The following A4GALT variants were observed in gnomAD, a reference collection of about 807,000 sequenced individuals.
The protein encoded by A4GALT is lactosylceramide 4-alpha-galactosyltransferase.
For missense variants in A4GALT, 512 were observed against 486.0 expected, an observed-to-expected ratio of 1.05 and a Z score of -0.50; for synonymous variants, 257 against 220.7, an observed-to-expected ratio of 1.16 and a Z score of -1.46.
intron 1 of A4GALT, among the ~76,000 whole-genome samples, chr22:42,699,451 C>T (rs4820476): frequency 0.9 from 136,860 of 152,218 alleles, 61,576 homozygotes; most frequent in East Asian, 1. Flanking sequence ...TTCTTGCCCC[C>T]TGGTGTGAGT....
chr22:42,701,985 C>T (rs1344996930), intron 1 of A4GALT, among the ~76,000 whole-genome samples: 1 of 152,204 alleles, frequency 6.6e-6, no homozygotes, highest in African/African-American at 2.4e-5. Context: ...TGATGACCTC[C>T]TCAATCGACC....
At chr22:42,720,180 C>A (rs1922580798) in intron 1 of A4GALT, among the ~76,000 whole-genome samples, 1 of 151,572 alleles carries the variant, frequency 6.6e-6, no homozygotes, top group African/African-American at 2.4e-5. Context: ...GGAGGCCGGG[C>A]GACTCCAACC....
At chr22:42,697,731 A>G (rs1931035751) in intron 1 of A4GALT, among the ~76,000 whole-genome samples, 1 of 151,988 alleles carries the variant, frequency 6.6e-6, no homozygotes. Flanking sequence ...GGCCCCCGAG[A>G]CGGGCCTCGC....
At position 42,693,750 on chromosome 22, in the gene A4GALT, T is replaced by TGGGGGGGGGGGGGGGGTGGGGGGGGGG; in HGVS notation, c.201_202insCCCCCCCCCCACCCCCCCCCCCCCCCC (p.Pro67_Thr68insProProProHisProProProProPro). ...GGAGTGGGGCCGTGGGAGGGTGGGG[T>TGGGGGGGGGGGGGGGGTGGGGGGGGGG]GGGGGGTGTCAAGGTGGGGCAGGGG... On this transcript the variant is annotated inframe_insertion, in exon 3 of 3. Transcript: ENST00000642412. The TGGGGGGGGGGGGGGGGTGGGGGGGGGG allele has an allele frequency of 7.7e-6, 3 of 391,434 alleles. No homozygotes were observed. Among genetic ancestry groups the TGGGGGGGGGGGGGGGGTGGGGGGGGGG allele is most frequent in the Non-Finnish European group, 1.3e-5 (3 of 232,092 alleles). The allele number at this position is 391,434 out of a possible 1,614,324, so 24.2% of individuals were successfully genotyped here.
At chr22:42,706,354 C>CAAAAAAA (rs1164664187) in intron 1 of A4GALT, among the ~76,000 whole-genome samples, 5 of 83,816 alleles carry the variant, frequency 6.0e-5, no homozygotes, top group African/African-American at 1.5e-4. Context: ...GACTCCATCC[C>CAAAAAAA]AAAAAAAAAA....
intron 1 of A4GALT, among the ~76,000 whole-genome samples, chr22:42,720,398 C>T (rs1922614945): frequency 6.6e-6 from 1 of 152,296 alleles, no homozygotes; most frequent in South Asian, 2.1e-4. Flanking sequence ...CAGGCTTCCC[C>T]CGGACGGAGG....
At chr22:42,712,294 C>G (rs1569064341) in intron 1 of A4GALT, among the ~76,000 whole-genome samples, 1 of 152,192 alleles carries the variant, frequency 6.6e-6, no homozygotes, top group Non-Finnish European at 1.5e-5. Flanking sequence ...TCCGAAAGCA[C>G]TGAGTGACCT....
rs150748224 is a variant in A4GALT at position 42,693,282 on chromosome 22, C to T, written c.670G>A (p.Glu224Lys). 9.7e-5 allele frequency: 157 copies of T among 1,612,868 alleles called. 1 individual carries two copies. The East Asian group carries it at 1.7e-3, about 18-fold the overall frequency. ...YVLNGAFLAF[E>K]RRHEFMALCM... ...AGCGCCATGAACTCGTGCCGGCGCT[C>T]GAAGGCCAGGAACGCGCCGTTGAGG... Residue 224 changes from glutamate (E) to lysine (K), a missense_variant, in exon 3 of 3, where the codon GAG becomes AAG. Transcript: ENST00000642412.
intron 1 of A4GALT, among the ~76,000 whole-genome samples, chr22:42,706,354 CAAAAA>C (rs1164664187): frequency 9.5e-5 from 8 of 83,816 alleles, no homozygotes; most frequent in South Asian, 4.3e-4. Flanking sequence ...GACTCCATCC[CAAAAA>C]AAAAAAAAAA....
chr22:42,692,918 G>A lies in A4GALT; in HGVS notation c.1034C>T (p.Thr345Met), dbSNP rs754861621. 2.1e-5 allele frequency: 34 copies of A among 1,606,750 alleles called. No individual in the cohort carries two copies. Among genetic ancestry groups the A allele is most frequent in the Non-Finnish European group, 2.6e-5 (31 of 1,179,898 alleles). The change falls in exon 3 of 3, where the codon ACG becomes ATG. Residue 345 changes from threonine to methionine, a missense_variant. By Grantham distance (81) the Thr-to-Met change is moderately conservative (BLOSUM62 -1). Coordinates refer to ENST00000642412, the MANE Select transcript of A4GALT (RefSeq NM_017436.7). This position sits in a 1 kb window ranked among gnomAD's most constrained non-coding sequence, Gnocchi z 4.6. ...CAAGTACATTTTCATGGCCTCGTGC[G>A]TCGTGGGGCAGTAGCGGGCATGCAG... ...AQLHARYCPT[T>M]HEAMKMYL
At position 42,692,920 on chromosome 22, in the gene A4GALT, C is replaced by T. The variant is rs781151702; in HGVS notation, c.1032G>A (p.Thr344=). 1.2e-5 allele frequency: 20 copies of T among 1,607,284 alleles called. No homozygotes were observed. Among genetic ancestry groups the T allele is most frequent in the Admixed American group, 3.3e-5 (2 of 60,012 alleles). Reference sequence around the variant, plus strand: ...AGTACATTTTCATGGCCTCGTGCGTCGTGGGGCAGTAGCGGGCATGCAGCT... The same window carrying T: ...AGTACATTTTCATGGCCTCGTGCGTTGTGGGGCAGTAGCGGGCATGCAGCT... ...LAQLHARYCP[T]THEAMKMYL is the part of the protein sequence containing the mutation. Residue 344 remains threonine (T), a synonymous_variant, in exon 3 of 3, where the codon ACG becomes ACA. Coordinates refer to ENST00000642412, the MANE Select transcript of A4GALT (RefSeq NM_017436.7). The surrounding 1 kb of genome is among the most constrained non-coding windows in gnomAD (Gnocchi z 4.6).
At chr22:42,716,862 G>T (rs1922227436) in intron 1 of A4GALT, among the ~76,000 whole-genome samples, 2 of 152,180 alleles carry the variant, frequency 1.3e-5, no homozygotes. Flanking sequence ...GGCTCTCTGG[G>T]TCCCGTAACT....
chr22:42,700,003 T>C (rs1431077666), intron 1 of A4GALT, among the ~76,000 whole-genome samples: 3 of 152,202 alleles, frequency 2.0e-5, no homozygotes, highest in Admixed American at 2.0e-4. Context: ...CGACTGGTTC[T>C]GTTAATTTGG....
intron 1 of A4GALT, among the ~76,000 whole-genome samples, chr22:42,709,067 A>ATATATATATATATATTTTT (rs1180529043): frequency 3.5e-4 from 45 of 128,818 alleles, no homozygotes; most frequent in South Asian, 7.8e-4. Context: ...ATATATATAT[A>ATATATATATATATATTTTT]TTTTTTTTAA....
intron 1 of A4GALT, among the ~76,000 whole-genome samples, chr22:42,717,568 C>T (rs1346727279): frequency 2.0e-5 from 3 of 152,170 alleles, no homozygotes; most frequent in Non-Finnish European, 2.9e-5. Flanking sequence ...CCTCAGTCCT[C>T]GGAGACCTCA....
chr22:42,702,296 C>T (rs892484830), intron 1 of A4GALT, among the ~76,000 whole-genome samples: 12 of 146,760 alleles, frequency 8.2e-5, no homozygotes, highest in African/African-American at 2.8e-4. Flanking sequence ...GGACTTGTGT[C>T]CCCCCCCGGA....
rs1309754473 is a variant in A4GALT, at chr22:42,706,151, CGAGACCA to C, written c.-187-10527_-187-10521del. Among the ~76,000 whole-genome samples the C allele has an allele frequency of 1.1e-4, 8 of 74,246 alleles. 1 individual carries two copies. The highest frequency in any genetic ancestry group is 5.5e-4 in the Admixed American group (4 of 7,226). The allele number at this position is 74,246 out of a possible 152,430, so 48.7% of individuals were successfully genotyped here. A position where few individuals can be genotyped will look rare whatever the true frequency, so the allele number is the denominator to read the frequency against. ...CGGGCGGATCACGAGGTCAGGAGAT[CGAGACCA>C]TCCTGGCTAACACGGTGAAACCCCG... On this transcript the variant is annotated intron_variant, in intron 1 of 2. Coordinates refer to ENST00000642412, the MANE Select transcript of A4GALT (RefSeq NM_017436.7).
At chr22:42,714,554 G>A (rs927481330) in intron 1 of A4GALT, among the ~76,000 whole-genome samples, 1 of 151,258 alleles carries the variant, frequency 6.6e-6, no homozygotes, top group Non-Finnish European at 1.5e-5. Flanking sequence ...ACAGAGCAAG[G>A]TCCTGTCTCA....
At chr22:42,696,873 G>A (rs934263023) in intron 1 of A4GALT, among the ~76,000 whole-genome samples, 1 of 151,298 alleles carries the variant, frequency 6.6e-6, no homozygotes, top group East Asian at 2.0e-4. Context: ...GGCACCTGCT[G>A]TTCTTCTGCT....
Sources: gnomAD v4.1 joint callset for allele counts (sites outside exome capture counted in the v4.1 genomes callset) on GRCh38, gnomAD v4.1.1 for gene constraint, Gnocchi (gnomAD v3.1) non-coding constraint, MANE v1.5 for transcripts, NCBI Gene and HGNC (gene_info 2026-07-23, HGNC 2026-07-21) for gene names.